Variants in FGF12 observed in about 807,000 individuals in gnomAD.
FGF12 encodes the protein fibroblast growth factor 12, also known as fibroblast growth factor 12B.
A neutral mutation model predicts 23.6 loss-of-function variants in FGF12; 14 were observed. That is an observed-to-expected ratio of 0.59 (90% CI 0.39 to 0.93). The LOEUF (loss-of-function observed/expected upper bound fraction) is 0.93, where lower values mean the gene tolerates loss of function less well. Ranked by LOEUF, FGF12 falls within the 40% of genes least tolerant of loss-of-function variation. The probability of loss-of-function intolerance (pLI) is 0.00; values close to 1 mark genes in which losing one functional copy is unlikely to be tolerated. For missense variants in FGF12, 175 were observed against 217.8 expected (o/e 0.80, Z 1.24); for synonymous variants, 62 against 77.3 (o/e 0.80, Z 1.04).
chr3:192,430,675 A>G (rs1388909444), intron 2 of FGF12, among the ~76,000 whole-genome samples: 2 of 152,204 alleles, frequency 1.3e-5, no homozygotes, highest in African/African-American at 2.4e-5. Flanking sequence ...AAGACATTCA[A>G]TTCATTTATT....
chr3:192,442,162 C>G (rs576712097), intron 2 of FGF12, among the ~76,000 whole-genome samples: 7 of 152,304 alleles, frequency 4.6e-5, no homozygotes, highest in African/African-American at 1.4e-4. Flanking sequence ...TCAAAGAAGT[C>G]TGTGACATGA....
At chr3:192,233,244 T>C (rs1719116108) in intron 4 of FGF12, among the ~76,000 whole-genome samples, 1 of 152,184 alleles carries the variant, frequency 6.6e-6, no homozygotes, top group Admixed American at 6.5e-5. Flanking sequence ...ATAATAGTAA[T>C]TCTGACTGGT....
chr3:192,601,100 C>T (rs769321893), intron 2 of FGF12, among the ~76,000 whole-genome samples: 4 of 151,966 alleles, frequency 2.6e-5, no homozygotes, highest in African/African-American at 7.2e-5. Flanking sequence ...AAATACACAA[C>T]GAAATACCAT....
intron 2 of FGF12, among the ~76,000 whole-genome samples, chr3:192,614,881 C>T (rs1181120959): frequency 1.3e-5 from 2 of 151,972 alleles, no homozygotes; most frequent in African/African-American, 2.4e-5. Flanking sequence ...GTACTTCAAC[C>T]TTCAGAATGG....
rs1156277518 is a variant in FGF12 at position 192,409,607 on chromosome 3, G to A, written c.14-49069C>T. 3.3e-5 allele frequency among the ~76,000 whole-genome samples: 5 copies of A among 152,202 alleles called. No homozygotes were observed. Among genetic ancestry groups the A allele is most frequent in the Non-Finnish European group, 5.9e-5 (4 of 68,028 alleles). On this transcript the variant is annotated intron_variant, in intron 2 of 5. Coordinates refer to ENST00000445105, the MANE Select transcript of FGF12 (RefSeq NM_004113.6). The surrounding 1 kb of genome is among the most constrained non-coding windows in gnomAD (Gnocchi z 4.8). ...GGCCGAGGAAGGAAGTGACCCGCGC[G>A]CTGCGAATACCCGCGCGTCCGCTCG...
chr3:192,232,425 A>G (rs1719069188), intron 4 of FGF12, among the ~76,000 whole-genome samples: 1 of 152,202 alleles, frequency 6.6e-6, no homozygotes. Context: ...TATATGCACA[A>G]TATCAGGAAA....
intron 2 of FGF12, among the ~76,000 whole-genome samples, chr3:192,510,309 G>T (rs1724431057): frequency 6.6e-6 from 1 of 152,108 alleles, no homozygotes; most frequent in African/African-American, 2.4e-5. Flanking sequence ...TTTAAAACTG[G>T]TCAAAAGACA....
At chr3:192,726,487 AT>A (rs1325628577) in intron 2 of FGF12, among the ~76,000 whole-genome samples, 1 of 152,196 alleles carries the variant, frequency 6.6e-6, no homozygotes, top group African/African-American at 2.4e-5. Flanking sequence ...TCAGAAGTTG[AT>A]TTTTACAGTT....
intron 2 of FGF12, among the ~76,000 whole-genome samples, chr3:192,369,344 C>A (rs1158901448): frequency 1.3e-5 from 2 of 152,204 alleles, no homozygotes; most frequent in Admixed American, 1.3e-4. Context: ...GTCCTGCACA[C>A]TGAACACAGT....
At chr3:192,155,055 C>T (rs1298929630) in intron 5 of FGF12, among the ~76,000 whole-genome samples, 1 of 150,400 alleles carries the variant, frequency 6.6e-6, no homozygotes, top group East Asian at 1.9e-4. Context: ...GCGCAATATT[C>T]GGGTGGGAGT....
intron 2 of FGF12, among the ~76,000 whole-genome samples, chr3:192,381,775 CTTTTTGGTGAATT>C (rs1227252249): frequency 2.6e-5 from 4 of 152,120 alleles, no homozygotes; most frequent in African/African-American, 9.7e-5. Context: ...TCAGAAACGA[CTTTTTGGTGAATT>C]TTTTTGGTGA....
At chr3:192,398,855 G>T (rs977391837) in intron 2 of FGF12, among the ~76,000 whole-genome samples, 1 of 152,146 alleles carries the variant, frequency 6.6e-6, no homozygotes, top group African/African-American at 2.4e-5. Context: ...GCATCCTTAG[G>T]TGGGAAGGAG....
chr3:192,496,047 T>C (rs1057021281), intron 2 of FGF12, among the ~76,000 whole-genome samples: 10 of 152,212 alleles, frequency 6.6e-5, no homozygotes, highest in African/African-American at 1.4e-4. Context: ...TAGACTCTTA[T>C]GTAAATACTC....
chr3:192,602,379 G>T (rs1293024242), intron 2 of FGF12, among the ~76,000 whole-genome samples: 3 of 152,052 alleles, frequency 2.0e-5, no homozygotes, highest in Non-Finnish European at 4.4e-5. Context: ...GAGACATCAT[G>T]GTCAGGGAAG....
intron 2 of FGF12, among the ~76,000 whole-genome samples, chr3:192,449,448 C>T (rs369358158): frequency 1.2e-4 from 18 of 152,234 alleles, no homozygotes; most frequent in Admixed American, 7.8e-4. Context: ...AATGTGGACA[C>T]CATGCATCCC....
At chr3:192,559,090 A>G (rs950961863) in intron 2 of FGF12, among the ~76,000 whole-genome samples, 4 of 151,954 alleles carry the variant, frequency 2.6e-5, no homozygotes, top group Non-Finnish European at 5.9e-5. Flanking sequence ...AAGCAAAAAT[A>G]GACAAATGGG....
intron 2 of FGF12, among the ~76,000 whole-genome samples, chr3:192,625,850 T>G (rs528346901): frequency 3.3e-4 from 51 of 152,290 alleles, no homozygotes; most frequent in Admixed American, 1.8e-3. Context: ...GTCATGTTTC[T>G]AAACTTTAAA....
At chr3:192,471,177 T>G (rs1163093645) in intron 2 of FGF12, among the ~76,000 whole-genome samples, 1 of 152,198 alleles carries the variant, frequency 6.6e-6, no homozygotes, top group Non-Finnish European at 1.5e-5. Context: ...AACATCATAC[T>G]CGCTCAGGTT....
chr3:192,599,103 G>A (rs1713989276), intron 2 of FGF12, among the ~76,000 whole-genome samples: 1 of 152,000 alleles, frequency 6.6e-6, no homozygotes, highest in African/African-American at 2.4e-5. Flanking sequence ...ACACACCGGA[G>A]CCTGTAGGGG....
Sources: gnomAD v4.1 joint callset for allele counts (sites outside exome capture counted in the v4.1 genomes callset) on GRCh38, gnomAD v4.1.1 for gene constraint, Gnocchi (gnomAD v3.1) non-coding constraint, MANE v1.5 for transcripts, NCBI Gene and HGNC (gene_info 2026-07-23, HGNC 2026-07-21) for gene names.